NRG1: variants seen among roughly 807,000 people sequenced by gnomAD.
NRG1 encodes the protein neuregulin 1, also known as pro-neuregulin-1, membrane-bound isoform.
Under a neutral mutation model 63.8 loss-of-function variants are expected in NRG1, and 18 were observed. That is an observed-to-expected ratio of 0.28 (90% CI 0.19 to 0.42). NRG1 has a LOEUF of 0.42. Ranked by LOEUF, NRG1 falls within the 10% of genes least tolerant of loss-of-function variation. NRG1 has a pLI of 1.00. For synonymous variants in NRG1, 302 were observed against 301.3 expected, an observed-to-expected ratio of 1.00 and a Z score of -0.02; for missense variants, 762 against 814.7, an observed-to-expected ratio of 0.94 and a Z score of 0.79.
chr8:32,707,179 T>C (rs1307444024), intron 5 of NRG1, among the ~76,000 whole-genome samples: 1 of 152,050 alleles, frequency 6.6e-6, no homozygotes, highest in Non-Finnish European at 1.5e-5. Flanking sequence ...AACAAATTAT[T>C]AGATATAGCA....
intron 1 of NRG1, among the ~76,000 whole-genome samples, chr8:32,388,767 C>T (rs1811343160): frequency 6.6e-6 from 1 of 151,914 alleles, no homozygotes. Flanking sequence ...TCATAATGAC[C>T]TGTAGGTGAT....
At chr8:32,092,097 T>C (rs1459385934) in intron 1 of NRG1, among the ~76,000 whole-genome samples, 1 of 152,134 alleles carries the variant, frequency 6.6e-6, no homozygotes, top group Non-Finnish European at 1.5e-5. Flanking sequence ...AAAAAATATA[T>C]GTTATTTCAC....
intron 1 of NRG1, among the ~76,000 whole-genome samples, chr8:32,506,081 C>A (rs1283701052): frequency 6.6e-6 from 1 of 151,966 alleles, no homozygotes; most frequent in African/African-American, 2.4e-5. Context: ...AAGACCCTGT[C>A]TCTAAAAAAA....
rs59251868 is a variant in NRG1 at position 32,141,592 on chromosome 8, G to GTATATATATATA, written c.38-454210_38-454199dup. ...ATATATACATATCCTATGTGTGTGG[G>GTATATATATATA]TATATATATATATATATATATATAT... On this transcript the variant is annotated intron_variant, in intron 1 of 10. Transcript: ENST00000519301. Among the ~76,000 whole-genome samples the GTATATATATATA allele has an allele frequency of 7.0e-4, 50 of 71,770 alleles. 2 individuals carry two copies. Among genetic ancestry groups the GTATATATATATA allele is most frequent in the South Asian group, 1.3e-3 (2 of 1,512 alleles). The allele number at this position is 71,770 out of a possible 152,430, so 47.1% of individuals were successfully genotyped here. A position where few individuals can be genotyped will look rare whatever the true frequency, so the allele number is the denominator to read the frequency against.
chr8:32,126,161 G>C (rs533290372), intron 1 of NRG1, among the ~76,000 whole-genome samples: 1 of 151,852 alleles, frequency 6.6e-6, no homozygotes, highest in East Asian at 1.9e-4. Flanking sequence ...AACTCAAGAG[G>C]TTTTGTAGAT....
intron 8 of NRG1, among the ~76,000 whole-genome samples, chr8:32,755,372 A>G (rs1425618964): frequency 6.6e-6 from 1 of 152,172 alleles, no homozygotes; most frequent in Non-Finnish European, 1.5e-5. Context: ...CATAATCTGA[A>G]TGTTGCATTG....
intron 5 of NRG1, among the ~76,000 whole-genome samples, chr8:32,676,020 A>G (rs1344825801): frequency 1.3e-5 from 2 of 152,188 alleles, no homozygotes; most frequent in Non-Finnish European, 2.9e-5. Flanking sequence ...TTTAGGATAT[A>G]TGCCTGAGAT....
intron 1 of NRG1, among the ~76,000 whole-genome samples, chr8:31,795,902 G>A (rs1233022005): frequency 6.6e-6 from 1 of 152,076 alleles, no homozygotes. Flanking sequence ...TTGGTTTCTG[G>A]CCCAAAGATG....
chr8:31,912,955 G>A (rs1312733684), intron 1 of NRG1, among the ~76,000 whole-genome samples: 2 of 152,106 alleles, frequency 1.3e-5, no homozygotes, highest in East Asian at 3.9e-4. Flanking sequence ...TTGATGATAG[G>A]TAATTTAGCT....
intron 1 of NRG1, among the ~76,000 whole-genome samples, chr8:32,261,890 A>G (rs920160332): frequency 1.3e-5 from 2 of 152,122 alleles, no homozygotes; most frequent in Non-Finnish European, 1.5e-5. Context: ...TATTAAGACT[A>G]TCTTGCATTG....
intron 1 of NRG1, among the ~76,000 whole-genome samples, chr8:32,516,120 A>G (rs1209650480): frequency 6.6e-6 from 1 of 152,330 alleles, no homozygotes; most frequent in East Asian, 1.9e-4. Flanking sequence ...TTTCTTCTGC[A>G]TATGGCTAGC....
intron 1 of NRG1, among the ~76,000 whole-genome samples, chr8:32,036,671 C>A (rs74384137): frequency 6.6e-6 from 1 of 151,988 alleles, no homozygotes; most frequent in African/African-American, 2.4e-5. Context: ...TGCTTTATTT[C>A]GGCAAGATAG....
chr8:32,541,965 G>A (rs917500616), intron 1 of NRG1, among the ~76,000 whole-genome samples: 1 of 152,144 alleles, frequency 6.6e-6, no homozygotes, highest in African/African-American at 2.4e-5. Flanking sequence ...TTAATGACGA[G>A]AGGAAGCTTA....
chr8:31,849,232 A>G (rs1318687504), intron 1 of NRG1, among the ~76,000 whole-genome samples: 1 of 152,218 alleles, frequency 6.6e-6, no homozygotes, highest in Non-Finnish European at 1.5e-5. Context: ...CATTGCCACA[A>G]GATCACCTAG....
chr8:31,774,208 G>T (rs968423703), intron 1 of NRG1, among the ~76,000 whole-genome samples: 1 of 151,922 alleles, frequency 6.6e-6, no homozygotes, highest in African/African-American at 2.4e-5. Context: ...ACTTGTGGTT[G>T]CCTCTACTGG....
chr8:32,556,594 G>T (rs187579598), intron 1 of NRG1, among the ~76,000 whole-genome samples: 1 of 152,024 alleles, frequency 6.6e-6, no homozygotes, highest in South Asian at 2.1e-4. Flanking sequence ...TATGAAAAAA[G>T]GAAAAGAAAA....
At chr8:32,098,303 A>T (rs1363311002) in intron 1 of NRG1, among the ~76,000 whole-genome samples, 1 of 152,150 alleles carries the variant, frequency 6.6e-6, no homozygotes, top group Non-Finnish European at 1.5e-5. Flanking sequence ...AAAGACACAC[A>T]CTCTGGCCAA....
chr8:31,894,546 CTTTTTTCTTTT>C (rs1345895626), intron 1 of NRG1, among the ~76,000 whole-genome samples: 1 of 98,068 alleles, frequency 1.0e-5, no homozygotes, highest in Non-Finnish European at 2.2e-5. Context: ...CTATTTCTTT[CTTTTTTCTTTT>C]TTTTTTTTTT....
intron 1 of NRG1, among the ~76,000 whole-genome samples, chr8:32,261,085 G>T (rs1247094405): frequency 1.3e-5 from 2 of 152,170 alleles, no homozygotes; most frequent in Non-Finnish European, 2.9e-5. Context: ...TATGGGAAAA[G>T]AAAGTTGCAA....
Sources: gnomAD v4.1 joint callset for allele counts (sites outside exome capture counted in the v4.1 genomes callset) on GRCh38, gnomAD v4.1.1 for gene constraint, MANE v1.5 for transcripts, NCBI Gene and HGNC (gene_info 2026-07-23, HGNC 2026-07-21) for gene names.